Variants in PGAP4 observed in about 807,000 individuals in gnomAD.
The protein encoded by PGAP4 is post-GPI attachment to proteins GalNAc transferase 4, also known as GPI-N-acetylgalactosamine transferase PGAP4.
Under a neutral mutation model 28.2 loss-of-function variants are expected in PGAP4, and 12 were observed. The observed-to-expected ratio is 0.42, with a 90% confidence interval of 0.27 to 0.69. The LOEUF (loss-of-function observed/expected upper bound fraction) is 0.69. PGAP4 is among the 30% of genes least tolerant of loss of function. The probability of loss-of-function intolerance (pLI) is 0.22; values close to 1 mark genes in which losing one functional copy is unlikely to be tolerated. For missense variants in PGAP4, 425 were observed against 513.5 expected (o/e 0.83, Z 1.67); for synonymous variants, 205 against 211.8 (o/e 0.97, Z 0.28).
rs1011445872 is a variant in PGAP4, at chr9:101,525,397, G to GT, written c.-165+5950dup. ...AATTGGTAATACGTTGGTTTTAAAT[G>GT]TTTTTTTTTTCCTATGAAAATAAAT... On this transcript the variant is annotated intron_variant, in intron 2 of 3. Coordinates refer to the PGAP4 transcript ENST00000374851. 1.7e-3 allele frequency among the ~76,000 whole-genome samples: 258 copies of GT among 149,446 alleles called. 1 individual carries two copies. The highest frequency in any genetic ancestry group is 3.4e-3 in the African/African-American group (138 of 40,798).
At chr9:101,533,119 T>A (rs1238535637) in exon 1 of PGAP4, 2 of 152,164 alleles carry the variant, frequency 1.3e-5, no homozygotes, top group African/African-American at 4.8e-5. Context: ...AATGCTTAAT[T>A]AGCTTAAAAT....
exon 2 of PGAP4, chr9:101,531,520 C>T (rs1005093815): frequency 2.0e-5 from 3 of 152,180 alleles, no homozygotes; most frequent in Non-Finnish European, 4.4e-5. Flanking sequence ...CAAGAATGAT[C>T]TCAGGAAGCC....
At chr9:101,478,878 A>G (rs1006813846) in intron 1 of PGAP4, among the ~76,000 whole-genome samples, 6 of 152,228 alleles carry the variant, frequency 3.9e-5, no homozygotes, top group African/African-American at 1.4e-4. Flanking sequence ...TCTAGACACC[A>G]ATAATTTTTG....
chr9:101,475,997 G>C lies in PGAP4; in HGVS notation c.1096C>G (p.Leu366Val). The C allele has an allele frequency of 7.4e-6, 12 of 1,614,182 alleles. No homozygotes were observed. The highest frequency in any genetic ancestry group is 1.0e-5 in the Non-Finnish European group (12 of 1,180,036). ...CHKGFGKDMA[L>V]YSLLRAKGER... ...CCCTTGGCCCTCAACAGCGAGTACA[G>C]TGCCATGTCCTTGCCAAAGCCCTTG... is the stretch of plus-strand genomic sequence containing the variant. The change falls in exon 2 of 2, where the codon CTG becomes GTG. Residue 366 changes from leucine to valine, a missense_variant. By Grantham distance (32) the Leu-to-Val change is conservative. Transcript: ENST00000374848.
In PGAP4 at chr9:101,474,406, T is replaced by C. The variant is rs1826237858; in HGVS notation, c.*1475A>G. 1 of 152,282 alleles carries C rather than the reference T, an allele frequency of 6.6e-6. No individual in the cohort carries two copies. The highest frequency in any genetic ancestry group is 1.9e-4 in the East Asian group (1 of 5,206). 9.4% of individuals were successfully genotyped at this position (152,282 alleles called of 1,614,324 possible). On this transcript the variant is annotated 3_prime_UTR_variant, in exon 2 of 2. Transcript: ENST00000374848. ...CCTCATAAAGTAACTTGTTGGTCACTAGTCTGACAGTACTGTTAAAAGACA... is the reference window on the plus strand; with the variant it reads ...CCTCATAAAGTAACTTGTTGGTCACCAGTCTGACAGTACTGTTAAAAGACA...
At chr9:101,489,518 A>T (rs1219055713), upstream of PGAP4, among the ~76,000 whole-genome samples, 1 of 152,260 alleles carries the variant, frequency 6.6e-6, no homozygotes, top group Non-Finnish European at 1.5e-5. Context: ...TTAAAACAAC[A>T]AAAGAATAAT....
At chr9:101,523,642 T>TTTTTTTTTTTTTTTTTTTTTTTC (rs1827008202) in intron 2 of PGAP4, among the ~76,000 whole-genome samples, 1 of 138,316 alleles carries the variant, frequency 7.2e-6, no homozygotes, top group Non-Finnish European at 1.6e-5. Context: ...TTTTTTTTTT[T>TTTTTTTTTTTTTTTTTTTTTTTC]TTTTTTTTTT....
intron 2 of PGAP4, among the ~76,000 whole-genome samples, chr9:101,498,016 C>A (rs796178868): frequency 9.2e-5 from 14 of 151,888 alleles, no homozygotes; most frequent in African/African-American, 3.1e-4. Flanking sequence ...AAAATTGGAA[C>A]CTGTTTATAT....
At chr9:101,494,631 C>T (rs1014274834) in intron 2 of PGAP4, among the ~76,000 whole-genome samples, 4 of 151,720 alleles carry the variant, frequency 2.6e-5, no homozygotes, top group African/African-American at 7.2e-5. Flanking sequence ...TGATTTAAAA[C>T]TTATCAGAAA....
chr9:101,522,126 G>T (rs2118629138), intron 2 of PGAP4, among the ~76,000 whole-genome samples: 1 of 152,170 alleles, frequency 6.6e-6, no homozygotes, highest in East Asian at 1.9e-4. Context: ...TCATTTTATG[G>T]TCTATCATAT....
At chr9:101,529,016 G>T (rs1827061027) in intron 2 of PGAP4, among the ~76,000 whole-genome samples, 1 of 151,708 alleles carries the variant, frequency 6.6e-6, no homozygotes, top group Admixed American at 6.6e-5. Flanking sequence ...TCATCACTTA[G>T]CTCCTACTTA....
chr9:101,502,443 C>A (rs778996297), intron 2 of PGAP4, among the ~76,000 whole-genome samples: 1 of 151,946 alleles, frequency 6.6e-6, no homozygotes, highest in Non-Finnish European at 1.5e-5. Context: ...CTCTGTGATT[C>A]CAGTAATGAG....
chr9:101,478,161 TAGAA>T (rs1262452509), intron 1 of PGAP4, among the ~76,000 whole-genome samples: 1 of 152,194 alleles, frequency 6.6e-6, no homozygotes, highest in African/African-American at 2.4e-5. Context: ...TTAAATGTGT[TAGAA>T]AGCAAAATAA....
At chr9:101,520,145 GATGCCTCCAGATTTGTTCTT>G (rs1408698429) in intron 2 of PGAP4, among the ~76,000 whole-genome samples, 1 of 152,174 alleles carries the variant, frequency 6.6e-6, no homozygotes, top group East Asian at 1.9e-4. Context: ...CAGGTAGTGT[GATGCCTCCAGATTTGTTCTT>G]TTTACTTAGT....
Position 101,512,303 on chromosome 9 carries a change from C to G in PGAP4, c.-165+19045G>C, listed in dbSNP as rs138966764. 1.5e-3 allele frequency among the ~76,000 whole-genome samples: 231 copies of G among 152,214 alleles called. 1 individual carries two copies. Among genetic ancestry groups the G allele is most frequent in the African/African-American group, 5.3e-3 (221 of 41,536 alleles). On this transcript the variant is annotated intron_variant, in intron 2 of 3. Transcript: ENST00000374851. ...CAAAGGCCAGTTTTTCCTAAAAATA[C>G]GAGATTCACAGCAGCCAATCAGAAA... is the stretch of plus-strand genomic sequence containing the variant.
At position 101,486,583 on chromosome 9, in the gene PGAP4, C is replaced by T. The variant is rs1826620182; in HGVS notation, c.-78+366G>A. Among the ~76,000 whole-genome samples, 1 of 152,198 alleles carries T rather than the reference C, an allele frequency of 6.6e-6. No homozygotes were observed. Among genetic ancestry groups the T allele is most frequent in the Non-Finnish European group, 1.5e-5 (1 of 68,030 alleles). Reference sequence around the variant, plus strand: ...AGGGTCTTACCCAGACTGGCACGCGCCCCGCTCGCGTCCTTCTATTGACCT... The same window carrying T: ...AGGGTCTTACCCAGACTGGCACGCGTCCCGCTCGCGTCCTTCTATTGACCT... On this transcript the variant is annotated intron_variant, in intron 1 of 1. Transcript: ENST00000374848. The surrounding 1 kb of genome is among the most constrained non-coding windows in gnomAD (Gnocchi z 4.7).
intron 2 of PGAP4, among the ~76,000 whole-genome samples, chr9:101,518,532 A>G (rs1826959861): frequency 6.6e-6 from 1 of 152,126 alleles, no homozygotes; most frequent in African/African-American, 2.4e-5. Flanking sequence ...TTCTCATATG[A>G]TGAGAATGTT....
At chr9:101,521,249 G>T (rs1452291021) in intron 2 of PGAP4, among the ~76,000 whole-genome samples, 1 of 152,056 alleles carries the variant, frequency 6.6e-6, no homozygotes, top group African/African-American at 2.4e-5. Flanking sequence ...AATTAGGGGA[G>T]GTTCCTTCTT....
chr9:101,509,767 T>C (rs1043241736), intron 2 of PGAP4, among the ~76,000 whole-genome samples: 1 of 152,122 alleles, frequency 6.6e-6, no homozygotes. Context: ...ACGGTGCAGC[T>C]AGCAAGCATT....
Sources: allele counts gnomAD v4.1 joint callset (sites outside exome capture counted in the v4.1 genomes callset), GRCh38; gene constraint gnomAD v4.1.1; non-coding constraint Gnocchi (gnomAD v3.1); transcripts MANE v1.5; gene names NCBI Gene and HGNC (gene_info 2026-07-23, HGNC 2026-07-21).